AKAP13: variants seen among roughly 807,000 people sequenced by gnomAD.
AKAP13 encodes A-kinase anchor protein 13.
In AKAP13, 80 loss-of-function variants were observed where a neutral mutation model predicts 264.5. The ratio of observed to expected loss-of-function variants is 0.30; its 90% confidence interval spans 0.25 to 0.36. The LOEUF is 0.36. Ranked by LOEUF, AKAP13 falls within the 10% of genes least tolerant of loss-of-function variation. The probability of loss-of-function intolerance (pLI) is 1.00; values close to 1 mark genes in which losing one functional copy is unlikely to be tolerated. For synonymous variants in AKAP13, 1,380 were observed against 1,250.2 expected, an observed-to-expected ratio of 1.10 and a Z score of -2.19; for missense variants, 3,712 against 3,435.2, an observed-to-expected ratio of 1.08 and a Z score of -2.01.
chr15:85,444,436 AAG>A (rs1446709565), intron 1 of AKAP13, among the ~76,000 whole-genome samples: 3 of 152,184 alleles, frequency 2.0e-5, no homozygotes, highest in African/African-American at 7.2e-5. Context: ...AGGCAATAAA[AAG>A]TAAAATGTTT....
chr15:85,531,010 G>A (rs1417094743), intron 3 of AKAP13, among the ~76,000 whole-genome samples: 4 of 152,160 alleles, frequency 2.6e-5, no homozygotes, highest in Admixed American at 6.5e-5. Context: ...TAGTAGCTGG[G>A]ACTACAGATG....
chr15:85,479,797 C>T (rs1426102071), intron 1 of AKAP13, among the ~76,000 whole-genome samples: 1 of 152,120 alleles, frequency 6.6e-6, no homozygotes, highest in Non-Finnish European at 1.5e-5. Flanking sequence ...TGGTGGAGCG[C>T]TTGTTAAAGG....
At chr15:85,725,373 TG>T (rs2087554313) in intron 26 of AKAP13, among the ~76,000 whole-genome samples, 1 of 151,988 alleles carries the variant, frequency 6.6e-6, no homozygotes, top group African/African-American at 2.4e-5. Context: ...TGTGTGTCTC[TG>T]CTTTTTTGGG....
chr15:85,538,105 A>T (rs1264057113), intron 4 of AKAP13, among the ~76,000 whole-genome samples: 1 of 151,976 alleles, frequency 6.6e-6, no homozygotes, highest in Non-Finnish European at 1.5e-5. Flanking sequence ...GGTTAGTGAA[A>T]ATGGTAAGCT....
At chr15:85,396,055 CACATA>C (rs2071096011) in intron 1 of AKAP13, among the ~76,000 whole-genome samples, 2 of 151,922 alleles carry the variant, frequency 1.3e-5, no homozygotes, top group African/African-American at 4.8e-5. Context: ...TACATATGCA[CACATA>C]ACATACATGT....
chr15:85,660,423 C>T (rs951860414), intron 12 of AKAP13, among the ~76,000 whole-genome samples: 3 of 143,698 alleles, frequency 2.1e-5, no homozygotes, highest in African/African-American at 5.0e-5. Context: ...TTTTCACTCT[C>T]TTCGTGTTAA....
At chr15:85,656,297 C>G (rs537415099) in intron 11 of AKAP13, among the ~76,000 whole-genome samples, 1 of 152,286 alleles carries the variant, frequency 6.6e-6, no homozygotes, top group South Asian at 2.1e-4. Context: ...GTTTAACCCT[C>G]AAGAGGATAT....
intron 1 of AKAP13, among the ~76,000 whole-genome samples, chr15:85,436,032 A>C (rs1253382981): frequency 6.8e-6 from 1 of 147,038 alleles, no homozygotes; most frequent in Non-Finnish European, 1.5e-5. Flanking sequence ...AAATTGGATA[A>C]AGAGTCAAGA....
In AKAP13 at chr15:85,672,933, T is replaced by C. The variant is rs550242489; in HGVS notation, c.5101+3103T>C. On this transcript the variant is annotated intron_variant, in intron 14 of 36. Coordinates refer to ENST00000394518, the MANE Select transcript of AKAP13 (RefSeq NM_007200.5). ...GACATTGTCCCTTGTTGTCTTGCAC[T>C]TGGCTGTTTATTATGAGTGTGCTTG... 5.9e-5 allele frequency among the ~76,000 whole-genome samples: 9 copies of C among 152,362 alleles called. No individual in the cohort carries two copies. In the South Asian group the frequency reaches 1.9e-3, roughly 32 times the overall value.
In AKAP13 at chr15:85,537,687, T is replaced by C. The variant is rs114154089; in HGVS notation, c.478+3807T>C. Among the ~76,000 whole-genome samples, 918 of 152,328 alleles carry C rather than the reference T, an allele frequency of 6.0e-3. 10 individuals carry two copies. Among genetic ancestry groups the C allele is most frequent in the African/African-American group, 0.021 (857 of 41,566 alleles). On this transcript the variant is annotated intron_variant, in intron 4 of 36. Transcript: ENST00000394518. ...GAAAAGCAGGGGCATTGGAGTCAGT[T>C]TGTTTGCATCCTGGCTTCATTGCAA...
At chr15:85,432,999 T>A (rs2073091459) in intron 1 of AKAP13, among the ~76,000 whole-genome samples, 1 of 152,102 alleles carries the variant, frequency 6.6e-6, no homozygotes, top group African/African-American at 2.4e-5. Context: ...ACATTTTAGT[T>A]TTCTTCTTGC....
At position 85,735,016 on chromosome 15, in the gene AKAP13, GT is replaced by G; in HGVS notation, c.7308del (p.Ser2436ArgfsTer41). 1 of 1,614,140 alleles carries G rather than the reference GT, an allele frequency of 6.2e-7. No individual in the cohort carries two copies. Among genetic ancestry groups the G allele is most frequent in the Non-Finnish European group, 8.5e-7 (1 of 1,180,008 alleles). On this transcript the variant is annotated frameshift_variant, in exon 31 of 37. Coordinates refer to ENST00000394518, the MANE Select transcript of AKAP13 (RefSeq NM_007200.5). LOFTEE classifies it high-confidence loss of function. ...NEVEILQGLV[S>X]GNLGGTLGPT... ...GTGGAGATCCTTCAGGGTTTGGTGA[GT>G]GGAAATCTGGGAGGCACACTTGGGC...
intron 8 of AKAP13, among the ~76,000 whole-genome samples, chr15:85,620,443 T>C (rs1189522922): frequency 6.6e-6 from 1 of 152,160 alleles, no homozygotes; most frequent in African/African-American, 2.4e-5. Context: ...CCTCATACTG[T>C]TGAAAATCAC....
At chr15:85,487,192 G>A (rs552598462) in intron 2 of AKAP13, among the ~76,000 whole-genome samples, 5 of 152,184 alleles carry the variant, frequency 3.3e-5, no homozygotes, top group Non-Finnish European at 5.9e-5. Context: ...GATTTTCTCT[G>A]TACAGGATCA....
chr15:85,562,573 A>AT (rs2078422314), intron 5 of AKAP13, among the ~76,000 whole-genome samples: 4 of 121,648 alleles, frequency 3.3e-5, no homozygotes, highest in Non-Finnish European at 5.1e-5. Flanking sequence ...TCAAAAAAAA[A>AT]AATATATATA....
Position 85,727,381 on chromosome 15 carries a change from G to C in AKAP13, c.7005G>C (p.Leu2335=). 1 of 1,614,150 alleles carries C rather than the reference G, an allele frequency of 6.2e-7. No homozygotes were observed. The highest frequency in any genetic ancestry group is 8.5e-7 in the Non-Finnish European group (1 of 1,180,024). The part of the protein sequence containing the change: ...IQIIQDTINT[L]NRDEDEGIPS... The stretch of plus-strand genomic sequence containing the variant: ...TTCTGTCTTGTTTGGGTTGTATTAG[G>C]AACAGAGATGAAGATGAAGGAATTC... The change falls in exon 29 of 37, where the codon CTG becomes CTC. Residue 2335 remains leucine, a splice_region_variant and synonymous_variant. Coordinates refer to ENST00000394518, the MANE Select transcript of AKAP13 (RefSeq NM_007200.5). This position sits in a 1 kb window ranked among gnomAD's most constrained non-coding sequence, Gnocchi z 5.3.
intron 2 of AKAP13, among the ~76,000 whole-genome samples, chr15:85,495,909 C>G (rs891198044): frequency 1.3e-5 from 2 of 152,128 alleles, no homozygotes; most frequent in Non-Finnish European, 2.9e-5. Flanking sequence ...AGATGCCTTT[C>G]TTTATTTAAA....
chr15:85,422,842 A>C (rs546503714), intron 1 of AKAP13, among the ~76,000 whole-genome samples: 52 of 152,324 alleles, frequency 3.4e-4, no homozygotes, highest in African/African-American at 1.2e-3. Flanking sequence ...TATAGAAGTG[A>C]CCTATTTGAA....
chr15:85,726,297 C>T (rs981867271), intron 26 of AKAP13, 113 bp from the exon 27 acceptor site: 16 of 685,196 alleles, frequency 2.3e-5, no homozygotes, highest in African/African-American at 7.3e-5. Context: ...ATAGTTTGCC[C>T]GTATAGGGGT....
Sources: allele counts gnomAD v4.1 joint callset (sites outside exome capture counted in the v4.1 genomes callset), GRCh38; gene constraint gnomAD v4.1.1; non-coding constraint Gnocchi (gnomAD v3.1); transcripts MANE v1.5; gene names NCBI Gene and HGNC (gene_info 2026-07-23, HGNC 2026-07-21).